The following SERGEF variants were observed in gnomAD, a reference collection of about 807,000 sequenced individuals.
SERGEF encodes the protein secretion-regulating guanine nucleotide exchange factor.
A neutral mutation model predicts 50.0 loss-of-function variants in SERGEF; 51 were observed. That is an observed-to-expected ratio of 1.02 (90% CI 0.81 to 1.29). The LOEUF is 1.29. Among genes scored for constraint, SERGEF ranks in the 50% most tolerant of loss-of-function variants. The probability of loss-of-function intolerance (pLI) is 0.00; values close to 1 mark genes in which losing one functional copy is unlikely to be tolerated. For missense variants in SERGEF, 521 were observed against 557.0 expected (o/e 0.94, Z 0.65); for synonymous variants, 205 against 212.4 (o/e 0.97, Z 0.30).
At chr11:17,879,511 C>G (rs1851301260) in intron 9 of SERGEF, among the ~76,000 whole-genome samples, 1 of 152,162 alleles carries the variant, frequency 6.6e-6, no homozygotes, top group African/African-American at 2.4e-5. Flanking sequence ...TGTGACAAAA[C>G]TAAGACTAGA....
chr11:17,832,607 G>A (rs1254236673), intron 10 of SERGEF, among the ~76,000 whole-genome samples: 1 of 152,188 alleles, frequency 6.6e-6, no homozygotes, highest in African/African-American at 2.4e-5. Context: ...GAAGAAGACA[G>A]GAAAATGTGG....
intron 9 of SERGEF, among the ~76,000 whole-genome samples, chr11:17,883,655 T>C (rs2133903158): frequency 6.6e-6 from 1 of 152,274 alleles, no homozygotes; most frequent in African/African-American, 2.4e-5. Flanking sequence ...GTACCCTTCT[T>C]TTTCTCATAT....
At chr11:17,963,365 A>T (rs926465578) in intron 8 of SERGEF, among the ~76,000 whole-genome samples, 3 of 54,388 alleles carry the variant, frequency 5.5e-5, no homozygotes, top group East Asian at 7.8e-4. Context: ...TACTATTAGT[A>T]AAAAAAAAAA....
At chr11:17,981,764 T>C (rs1853499636) in intron 8 of SERGEF, among the ~76,000 whole-genome samples, 1 of 152,164 alleles carries the variant, frequency 6.6e-6, no homozygotes, top group Non-Finnish European at 1.5e-5. Context: ...ATGGCTGCAC[T>C]CTTCAGGTAA....
intron 9 of SERGEF, among the ~76,000 whole-genome samples, chr11:17,920,853 T>C (rs1852142190): frequency 6.6e-6 from 1 of 152,254 alleles, no homozygotes; most frequent in Non-Finnish European, 1.5e-5. Flanking sequence ...GGTTTCATTT[T>C]CCAAGTGCAA....
At chr11:17,848,320 TG>T (rs535727875) in intron 10 of SERGEF, among the ~76,000 whole-genome samples, 1 of 152,274 alleles carries the variant, frequency 6.6e-6, no homozygotes, top group East Asian at 1.9e-4. Context: ...CAGATATTCA[TG>T]GCGAGACAAG....
intron 10 of SERGEF, among the ~76,000 whole-genome samples, chr11:17,818,468 T>C (rs185404345): frequency 6.6e-6 from 1 of 152,266 alleles, no homozygotes; most frequent in African/African-American, 2.4e-5. Flanking sequence ...TCCCATGAGA[T>C]AGATACATTA....
intron 1 of SERGEF, among the ~76,000 whole-genome samples, chr11:18,009,369 C>A (rs1192112633): frequency 6.6e-6 from 1 of 152,142 alleles, no homozygotes; most frequent in African/African-American, 2.4e-5. Context: ...CAGGTACTGC[C>A]TTTTGGAGAC....
intron 1 of SERGEF, among the ~76,000 whole-genome samples, chr11:18,009,317 C>A (rs1224200489): frequency 6.6e-6 from 1 of 152,164 alleles, no homozygotes. Flanking sequence ...CACAACTCAG[C>A]CAGTAATATT....
At chr11:17,923,741 C>T (rs1852200954) in intron 9 of SERGEF, among the ~76,000 whole-genome samples, 1 of 152,158 alleles carries the variant, frequency 6.6e-6, no homozygotes, top group Non-Finnish European at 1.5e-5. Context: ...GGTGGGTGTA[C>T]ACACAGCTCC....
At chr11:17,908,215 C>T (rs1218256414) in intron 9 of SERGEF, among the ~76,000 whole-genome samples, 1 of 152,178 alleles carries the variant, frequency 6.6e-6, no homozygotes, top group Non-Finnish European at 1.5e-5. Flanking sequence ...AAATAGGAGT[C>T]CTATACAATC....
intron 7 of SERGEF, among the ~76,000 whole-genome samples, chr11:17,992,387 A>C (rs1211769110): frequency 6.6e-6 from 1 of 152,218 alleles, no homozygotes; most frequent in Non-Finnish European, 1.5e-5. Flanking sequence ...AGATGGATAA[A>C]ACAGGTTACT....
intron 10 of SERGEF, among the ~76,000 whole-genome samples, chr11:17,795,856 G>C (rs1849563780): frequency 6.6e-6 from 1 of 152,230 alleles, no homozygotes; most frequent in Admixed American, 6.5e-5. Flanking sequence ...GTGTACACAA[G>C]GGGCATGGAC....
chr11:18,010,139 C>T (rs1320643752), intron 1 of SERGEF: 3 of 1,236,608 alleles, frequency 2.4e-6, no homozygotes, highest in African/African-American at 1.5e-5. Flanking sequence ...TTTGAAGACA[C>T]CTGAATGAGG....
At chr11:17,816,521 C>T (rs538300452) in intron 10 of SERGEF, among the ~76,000 whole-genome samples, 2 of 152,368 alleles carry the variant, frequency 1.3e-5, no homozygotes, top group Admixed American at 6.5e-5. Flanking sequence ...TGGTCACTAT[C>T]TTGCTTATTG....
At chr11:17,918,536 T>C (rs896994958) in intron 9 of SERGEF, among the ~76,000 whole-genome samples, 6 of 152,024 alleles carry the variant, frequency 3.9e-5, no homozygotes, top group African/African-American at 1.2e-4. Context: ...CTGCCTCCTA[T>C]GGAAAAGGTG....
chr11:17,912,636 C>A (rs1355622403), intron 9 of SERGEF, among the ~76,000 whole-genome samples: 2 of 152,138 alleles, frequency 1.3e-5, no homozygotes, highest in Non-Finnish European at 2.9e-5. Context: ...TCGAATAATC[C>A]TATTAAATAG....
At chr11:17,966,955 A>AT (rs1461685100) in intron 8 of SERGEF, among the ~76,000 whole-genome samples, 1 of 152,212 alleles carries the variant, frequency 6.6e-6, no homozygotes, top group African/African-American at 2.4e-5. Context: ...CATTTTACAG[A>AT]TTAAGAAACA....
intron 8 of SERGEF, among the ~76,000 whole-genome samples, chr11:17,977,076 A>C (rs1001527451): frequency 6.6e-6 from 1 of 152,208 alleles, no homozygotes; most frequent in Non-Finnish European, 1.5e-5. Flanking sequence ...AAATAGCATC[A>C]CTTCCACATC....
Sources: allele counts gnomAD v4.1 joint callset (sites outside exome capture counted in the v4.1 genomes callset), GRCh38; gene constraint gnomAD v4.1.1; transcripts MANE v1.5; gene names NCBI Gene and HGNC (gene_info 2026-07-23, HGNC 2026-07-21).